Variants in EPSTI1 observed in about 807,000 individuals in gnomAD.
The protein encoded by EPSTI1 is epithelial stromal interaction 1.
A neutral mutation model predicts 49.9 loss-of-function variants in EPSTI1; 66 were observed. The ratio of observed to expected loss-of-function variants is 1.32; its 90% CI spans 1.08 to 1.62. EPSTI1 has a LOEUF of 1.62. Ranked by LOEUF, EPSTI1 falls within the 40% of genes most tolerant of loss-of-function variation. The pLI, the probability that EPSTI1 is intolerant of heterozygous loss-of-function variation, is 0.00. For synonymous variants in EPSTI1, 137 were observed against 130.7 expected (o/e 1.05, Z -0.33); for missense variants, 394 against 365.5 (o/e 1.08, Z -0.64).
At chr13:42,920,978 T>C (rs567605462) in intron 7 of EPSTI1, among the ~76,000 whole-genome samples, 24 of 152,090 alleles carry the variant, frequency 1.6e-4, no homozygotes, top group Non-Finnish European at 3.4e-4. Flanking sequence ...CAAGAAAATA[T>C]GCCAAAATAT....
intron 1 of EPSTI1, among the ~76,000 whole-genome samples, chr13:42,976,134 T>A (rs4547243): frequency 0.79 from 119,864 of 152,212 alleles, 47,432 homozygotes; most frequent in Middle Eastern, 0.89. Context: ...TGGATCAGAG[T>A]CAAAGACTTT....
chr13:42,974,473 C>G (rs1008473026), intron 1 of EPSTI1, among the ~76,000 whole-genome samples: 1 of 151,464 alleles, frequency 6.6e-6, no homozygotes, highest in South Asian at 2.1e-4. Context: ...CTGGCTAACA[C>G]GGTGAAACCC....
At chr13:42,980,811 G>A (rs2039974271) in intron 1 of EPSTI1, among the ~76,000 whole-genome samples, 1 of 152,062 alleles carries the variant, frequency 6.6e-6, no homozygotes, top group Non-Finnish European at 1.5e-5. Context: ...AGAATTGCAG[G>A]GGACTTTCAC....
At chr13:42,989,586 TTTTTG>T (rs1214107461) in intron 1 of EPSTI1, among the ~76,000 whole-genome samples, 44 of 69,908 alleles carry the variant, frequency 6.3e-4, no homozygotes, top group South Asian at 2.3e-3. Context: ...TTTTTTTTGC[TTTTTG>T]TTTTGTTTTG....
intron 10 of EPSTI1, among the ~76,000 whole-genome samples, chr13:42,893,218 C>T (rs2037089060): frequency 6.6e-6 from 1 of 152,158 alleles, no homozygotes; most frequent in Non-Finnish European, 1.5e-5. Context: ...GTGCTATCAA[C>T]AGAATTTATG....
intron 8 of EPSTI1, among the ~76,000 whole-genome samples, chr13:42,901,818 A>C (rs1377465059): frequency 6.6e-6 from 1 of 152,110 alleles, no homozygotes; most frequent in Non-Finnish European, 1.5e-5. Flanking sequence ...CACAATGTGC[A>C]GGTTAGTTAC....
chr13:42,978,609 C>G (rs2039926953), intron 1 of EPSTI1, among the ~76,000 whole-genome samples: 1 of 152,002 alleles, frequency 6.6e-6, no homozygotes, highest in Admixed American at 6.6e-5. Flanking sequence ...GAGAACAATG[C>G]CAGAAAATAA....
intron 10 of EPSTI1, among the ~76,000 whole-genome samples, chr13:42,890,842 A>C (rs1420273344): frequency 1.3e-5 from 2 of 151,930 alleles, no homozygotes; most frequent in Non-Finnish European, 2.9e-5. Context: ...CTTATATCTT[A>C]ACGGAAATGT....
At chr13:42,930,424 T>G (rs1414345621) in intron 6 of EPSTI1, among the ~76,000 whole-genome samples, 1 of 152,204 alleles carries the variant, frequency 6.6e-6, no homozygotes, top group Non-Finnish European at 1.5e-5. Flanking sequence ...TAACTGGGTA[T>G]GAGCAAATGA....
intron 1 of EPSTI1, among the ~76,000 whole-genome samples, chr13:42,986,545 C>T (rs1234177839): frequency 6.6e-6 from 1 of 152,028 alleles, no homozygotes; most frequent in African/African-American, 2.4e-5. Flanking sequence ...GAGTTCGAGA[C>T]CAGCCTGGCC....
chr13:42,967,691 G>T (rs1490577237), intron 3 of EPSTI1, among the ~76,000 whole-genome samples: 1 of 152,196 alleles, frequency 6.6e-6, no homozygotes, highest in Non-Finnish European at 1.5e-5. Context: ...CCAGGTGGGA[G>T]ATGGGTAGCA....
At chr13:42,968,927 C>T (rs1219957096) in intron 3 of EPSTI1, among the ~76,000 whole-genome samples, 167 bp downstream of exon 3, 52 of 107,964 alleles carry the variant, frequency 4.8e-4, no homozygotes, top group South Asian at 1.1e-3. Context: ...AAAATACACA[C>T]ACACACACAC....
chr13:42,991,789 T>C (rs1261619999), intron 1 of EPSTI1, among the ~76,000 whole-genome samples, 189 bp downstream of exon 1: 1 of 152,242 alleles, frequency 6.6e-6, no homozygotes, highest in East Asian at 1.9e-4. Context: ...ACCAAAGGAC[T>C]GCAAACTAGC....
At chr13:42,959,810 G>A (rs1431671891) in intron 5 of EPSTI1, among the ~76,000 whole-genome samples, 1 of 152,160 alleles carries the variant, frequency 6.6e-6, no homozygotes, top group Non-Finnish European at 1.5e-5. Context: ...AGTATAGTTG[G>A]TCCTCCTTAT....
intron 1 of EPSTI1, among the ~76,000 whole-genome samples, chr13:42,974,029 A>T (rs1490478441): frequency 6.6e-6 from 1 of 152,252 alleles, no homozygotes; most frequent in African/African-American, 2.4e-5. Context: ...GAAACATAAA[A>T]TAAAAAGATA....
intron 6 of EPSTI1, among the ~76,000 whole-genome samples, chr13:42,942,531 A>C (rs889109558): frequency 1.3e-5 from 2 of 152,030 alleles, no homozygotes; most frequent in Non-Finnish European, 1.5e-5. Flanking sequence ...TCTGGAATTG[A>C]TATCAATATC....
intron 8 of EPSTI1, among the ~76,000 whole-genome samples, chr13:42,911,643 C>T (rs2037688975): frequency 6.6e-6 from 1 of 151,996 alleles, no homozygotes; most frequent in South Asian, 2.1e-4. Flanking sequence ...TAAACTTTTC[C>T]AAATCTATGG....
chr13:42,890,502 G>A (rs1434833420), intron 10 of EPSTI1, among the ~76,000 whole-genome samples: 1 of 151,962 alleles, frequency 6.6e-6, no homozygotes, highest in Non-Finnish European at 1.5e-5. Flanking sequence ...GTTTCATCTT[G>A]TTAGCCAGGA....
At chr13:42,923,322 A>G (rs1024551947) in intron 7 of EPSTI1, among the ~76,000 whole-genome samples, 1 of 152,158 alleles carries the variant, frequency 6.6e-6, no homozygotes, top group African/African-American at 2.4e-5. Context: ...GCACTTTGGG[A>G]GGCCAAGGTG....
Sources: gnomAD v4.1 joint callset for allele counts (sites outside exome capture counted in the v4.1 genomes callset) on GRCh38, gnomAD v4.1.1 for gene constraint, MANE v1.5 for transcripts, NCBI Gene and HGNC (gene_info 2026-07-23, HGNC 2026-07-21) for gene names.